LTBP1: variants seen among roughly 807,000 people sequenced by gnomAD.
LTBP1 encodes latent transforming growth factor beta binding protein 1, also known as latent-transforming growth factor beta-binding protein 1.
LTBP1 carries 129 observed loss-of-function variants against 207.6 expected under a neutral mutation model. The ratio of observed to expected loss-of-function variants is 0.62; its 90% confidence interval spans 0.54 to 0.72. The LOEUF (loss-of-function observed/expected upper bound fraction) is 0.72. Among genes scored for constraint, LTBP1 ranks in the 30% least tolerant of loss-of-function variants. LTBP1 has a pLI of 0.00. For synonymous variants in LTBP1, 963 were observed against 833.7 expected, an observed-to-expected ratio of 1.16 and a Z score of -2.67; for missense variants, 2,281 against 2,217.2, an observed-to-expected ratio of 1.03 and a Z score of -0.58.
At chr2:33,049,478 A>G (rs1431402371) in intron 3 of LTBP1, among the ~76,000 whole-genome samples, 3 of 152,212 alleles carry the variant, frequency 2.0e-5, no homozygotes, top group Non-Finnish European at 4.4e-5. Flanking sequence ...ATTAACATAT[A>G]CTGGACTTAA....
At chr2:33,020,308 C>T (rs1189682292) in intron 2 of LTBP1, among the ~76,000 whole-genome samples, 1 of 152,020 alleles carries the variant, frequency 6.6e-6, no homozygotes, top group Non-Finnish European at 1.5e-5. Context: ...TATAGGAGAG[C>T]ACTTTTTGGG....
chr2:33,089,716 C>A (rs2078972134), intron 3 of LTBP1, among the ~76,000 whole-genome samples: 1 of 152,158 alleles, frequency 6.6e-6, no homozygotes, highest in Non-Finnish European at 1.5e-5. Context: ...AGTGAATTTT[C>A]TTATTTCTTT....
intron 19 of LTBP1, among the ~76,000 whole-genome samples, chr2:33,288,490 G>A (rs1329982737): frequency 2.0e-5 from 3 of 152,210 alleles, no homozygotes; most frequent in Non-Finnish European, 4.4e-5. Context: ...AGTCATCTCT[G>A]TGAAATTGTG....
intron 3 of LTBP1, among the ~76,000 whole-genome samples, chr2:33,072,676 A>AT (rs1215215219): frequency 3.9e-5 from 6 of 152,224 alleles, no homozygotes; most frequent in Non-Finnish European, 8.8e-5. Flanking sequence ...GTGCCCCAAC[A>AT]TGAGGTGATA....
At chr2:33,154,684 G>C (rs1406642911) in intron 5 of LTBP1, among the ~76,000 whole-genome samples, 1 of 152,126 alleles carries the variant, frequency 6.6e-6, no homozygotes, top group Admixed American at 6.5e-5. Flanking sequence ...GAATATCTAG[G>C]ATAAATTCTT....
chr2:33,188,844 G>A lies in LTBP1; in HGVS notation c.1694G>A (p.Gly565Glu). 1 of 1,614,002 alleles carries A rather than the reference G, an allele frequency of 6.2e-7. No individual in the cohort carries two copies. Among genetic ancestry groups the A allele is most frequent in the South Asian group, 1.1e-5 (1 of 91,062 alleles). ...QLGRCFQETI[G>E]SQCGKALPGL... is the part of the protein sequence containing the mutation. ...GGCCGGTGCTTCCAGGAAACCATTG[G>A]GTCACAGGTAAACATCATCACCGAG... Residue 565 changes from glycine to glutamate, a missense_variant, in exon 7 of 34, where the codon GGG (glycine) becomes GAG (glutamate). Physicochemically the swap from Gly to Glu is moderately conservative, Grantham distance 98. Coordinates refer to ENST00000404816, the MANE Select transcript of LTBP1 (RefSeq NM_206943.4).
chr2:33,131,621 G>A (rs2081798979), intron 4 of LTBP1, among the ~76,000 whole-genome samples: 1 of 152,222 alleles, frequency 6.6e-6, no homozygotes, highest in Non-Finnish European at 1.5e-5. Context: ...AGAAGTAAGT[G>A]CTTCATGGAG....
intron 5 of LTBP1, among the ~76,000 whole-genome samples, chr2:33,146,816 G>A (rs1285687689): frequency 1.3e-5 from 2 of 152,192 alleles, no homozygotes; most frequent in African/African-American, 2.4e-5. Context: ...GCAAGGGAAA[G>A]TTCGCCCCCA....
At chr2:33,263,912 C>T (rs1347804862) in intron 15 of LTBP1, among the ~76,000 whole-genome samples, 1 of 146,170 alleles carries the variant, frequency 6.8e-6, no homozygotes, top group African/African-American at 2.6e-5. Flanking sequence ...AAGATCACGC[C>T]ACTGCACTCC....
intron 3 of LTBP1, among the ~76,000 whole-genome samples, chr2:33,064,463 T>C (rs2077410218): frequency 6.6e-6 from 1 of 152,164 alleles, no homozygotes; most frequent in Non-Finnish European, 1.5e-5. Flanking sequence ...CAGCATGAGC[T>C]TCATGTTCAG....
chr2:32,974,756 T>C (rs1681444927), intron 2 of LTBP1, among the ~76,000 whole-genome samples: 3 of 152,196 alleles, frequency 2.0e-5, no homozygotes, highest in Admixed American at 2.0e-4. Context: ...TTACTTTTAG[T>C]CTACGGATGT....
intron 32 of LTBP1, among the ~76,000 whole-genome samples, chr2:33,394,514 T>C (rs2095342621): frequency 6.6e-6 from 1 of 152,244 alleles, no homozygotes; most frequent in South Asian, 2.1e-4. Context: ...TTTCTACATA[T>C]GGCTAGCCAG....
At chr2:33,359,041 C>T (rs976176171) in intron 26 of LTBP1, among the ~76,000 whole-genome samples, 1 of 152,170 alleles carries the variant, frequency 6.6e-6, no homozygotes, top group Non-Finnish European at 1.5e-5. Flanking sequence ...AAAACCACTT[C>T]GTAAACTGCT....
chr2:32,965,829 T>C (rs1051962622), intron 2 of LTBP1, among the ~76,000 whole-genome samples: 2 of 152,226 alleles, frequency 1.3e-5, no homozygotes, highest in Non-Finnish European at 2.9e-5. Flanking sequence ...TTCAACACTT[T>C]TGTGTAAATA....
chr2:33,366,400 A>G (rs377633518), intron 31 of LTBP1, among the ~76,000 whole-genome samples: 8 of 152,236 alleles, frequency 5.3e-5, no homozygotes, highest in East Asian at 1.9e-4. Flanking sequence ...AGTTAATTCA[A>G]TTAGAATATT....
At chr2:33,104,681 G>A (rs1301676553) in intron 3 of LTBP1, among the ~76,000 whole-genome samples, 1 of 152,020 alleles carries the variant, frequency 6.6e-6, no homozygotes, top group Non-Finnish European at 1.5e-5. Flanking sequence ...AGACTGTGTG[G>A]CTCCCTGTTG....
intron 23 of LTBP1, among the ~76,000 whole-genome samples, chr2:33,313,123 T>TAAAATC (rs2094211306): frequency 1.3e-5 from 2 of 152,148 alleles, no homozygotes; most frequent in African/African-American, 4.8e-5. Flanking sequence ...TTTCACAGAG[T>TAAAATC]AAAATCATAT....
chr2:33,348,179 G>C (rs1409657581), intron 26 of LTBP1, among the ~76,000 whole-genome samples: 2 of 152,156 alleles, frequency 1.3e-5, no homozygotes, highest in Non-Finnish European at 2.9e-5. Context: ...ATGGTCCTTT[G>C]AGAGCCAAGT....
intron 2 of LTBP1, among the ~76,000 whole-genome samples, chr2:32,951,428 C>T (rs1677084364): frequency 6.6e-6 from 1 of 152,182 alleles, no homozygotes; most frequent in Non-Finnish European, 1.5e-5. Context: ...ACTTACTTTG[C>T]ATGTGTCTGG....
Sources: gnomAD v4.1 joint callset for allele counts (sites outside exome capture counted in the v4.1 genomes callset) on GRCh38, gnomAD v4.1.1 for gene constraint, MANE v1.5 for transcripts, NCBI Gene and HGNC (gene_info 2026-07-23, HGNC 2026-07-21) for gene names.